The following LYZ variants were observed in gnomAD, a reference collection of about 807,000 sequenced individuals.
The protein encoded by LYZ is lysozyme.
LYZ carries 18 observed loss-of-function variants against 15.8 expected under a neutral mutation model. The observed-to-expected ratio is 1.14, with a 90% CI of 0.79 to 1.69. LYZ has a LOEUF of 1.69. Ranked by LOEUF, LYZ falls within the 40% of genes most tolerant of loss-of-function variation. The pLI, the probability that LYZ is intolerant of heterozygous loss-of-function variation, is 0.00. For synonymous variants in LYZ, 60 were observed against 61.7 expected, an observed-to-expected ratio of 0.97 and a Z score of 0.13; for missense variants, 139 against 182.8, an observed-to-expected ratio of 0.76 and a Z score of 1.38.
rs924550837 is a variant in LYZ at position 69,353,900 on chromosome 12, A to C, written c.*681A>C. 1 of 152,354 alleles carries C rather than the reference A, an allele frequency of 6.6e-6. No individual in the cohort carries two copies. Among genetic ancestry groups the C allele is most frequent in the Non-Finnish European group, 1.5e-5 (1 of 68,182 alleles). 9.4% of individuals were successfully genotyped at this position (152,354 alleles called of 1,614,324 possible). On this transcript the variant is annotated 3_prime_UTR_variant, in exon 4 of 4. Transcript: ENST00000261267. ...GTTATCTTAAATAGATCTTAGGCAA[A>C]ATACCAGCTGATGAAGGCATCTGAT... is the stretch of plus-strand genomic sequence containing the variant.
intron 1 of LYZ, among the ~76,000 whole-genome samples, chr12:69,349,325 T>A (rs1008743490): frequency 6.6e-6 from 1 of 152,208 alleles, no homozygotes; most frequent in Non-Finnish European, 1.5e-5. Flanking sequence ...TTAACAGTGA[T>A]GTTTTTAAAG....
chr12:69,352,645 A>C (rs1874867181), intron 3 of LYZ, among the ~76,000 whole-genome samples: 1 of 152,188 alleles, frequency 6.6e-6, no homozygotes, highest in South Asian at 2.1e-4. Context: ...AGACCGAGGC[A>C]GATGGATCAC....
At chr12:69,352,347 A>G in intron 3 of LYZ, 49 bp downstream of exon 3, 1 of 1,448,256 alleles carries the variant, frequency 6.9e-7, no homozygotes, top group Non-Finnish European at 9.7e-7. Context: ...TACTGTTGAT[A>G]TATACAATGA....
At position 69,353,398 on chromosome 12, in the gene LYZ, A is replaced by C; in HGVS notation, c.*179A>C. On this transcript the variant is annotated 3_prime_UTR_variant, in exon 4 of 4. Coordinates refer to ENST00000261267, the MANE Select transcript of LYZ (RefSeq NM_000239.3). Reference sequence around the variant, plus strand: ...ATGTTCACTAATGTGGTTATTTTACATTAAGCCTACAACATTTTTCAGTTT... The same window carrying C: ...ATGTTCACTAATGTGGTTATTTTACCTTAAGCCTACAACATTTTTCAGTTT... 1.5e-6 allele frequency: 1 copy of C among 662,956 alleles called. No individual in the cohort carries two copies. The highest frequency in any genetic ancestry group is 1.7e-5 in the South Asian group (1 of 59,546). The allele number at this position is 662,956 out of a possible 1,614,324, so 41.1% of individuals were successfully genotyped here.
chr12:69,351,622 G>A (rs1302413651), intron 2 of LYZ, among the ~76,000 whole-genome samples: 5 of 151,684 alleles, frequency 3.3e-5, no homozygotes, highest in African/African-American at 4.8e-5. Flanking sequence ...TTATACACAC[G>A]GCTTTACAAT....
At position 69,353,268 on chromosome 12, in the gene LYZ, G is replaced by A; in HGVS notation, c.*49G>A. ...TCATTTTGTCTCTCTCACATTAAGGGAGTAGGAATTAAGTGAAAGGTCACA... is the reference window on the plus strand; with the variant it reads ...TCATTTTGTCTCTCTCACATTAAGGAAGTAGGAATTAAGTGAAAGGTCACA... On this transcript the variant is annotated 3_prime_UTR_variant, in exon 4 of 4. Coordinates refer to ENST00000261267, the MANE Select transcript of LYZ (RefSeq NM_000239.3). 2.9e-6 allele frequency: 4 copies of A among 1,389,518 alleles called. No homozygotes were observed. Among genetic ancestry groups the A allele is most frequent in the African/African-American group, 1.4e-5 (1 of 70,446 alleles). The allele number at this position is 1,389,518 out of a possible 1,614,324, so 86.1% of individuals were successfully genotyped here. A position where few individuals can be genotyped will look rare whatever the true frequency, so the allele number is the denominator to read the frequency against.
chr12:69,352,366 T>C (rs1413982331), intron 3 of LYZ, 68 bp downstream of exon 3: 2 of 1,284,292 alleles, frequency 1.6e-6, no homozygotes, highest in Admixed American at 3.5e-5. Context: ...GAGAGCAGAC[T>C]TTTAAAGACC....
chr12:69,353,613 C>G lies in LYZ; in HGVS notation c.*394C>G. On this transcript the variant is annotated 3_prime_UTR_variant, in exon 4 of 4. Coordinates refer to ENST00000261267, the MANE Select transcript of LYZ (RefSeq NM_000239.3). ...ACGCCATTCTCCTGCCTCAGCCTCCCGAGTAGCTGGGATTACGGGCGCCCG... is the reference window on the plus strand; with the variant it reads ...ACGCCATTCTCCTGCCTCAGCCTCCGGAGTAGCTGGGATTACGGGCGCCCG... 4.2e-6 allele frequency: 1 copy of G among 239,508 alleles called. No homozygotes were observed. Among genetic ancestry groups the G allele is most frequent in the Non-Finnish European group, 8.2e-6 (1 of 121,600 alleles). 14.8% of individuals were successfully genotyped at this position (239,508 alleles called of 1,614,324 possible). A position where few individuals can be genotyped will look rare whatever the true frequency, so the allele number is the denominator to read the frequency against.
rs760040859 is a variant in LYZ at position 69,352,276 on chromosome 12, G to A, written c.358G>A (p.Asp120Asn). The A allele has an allele frequency of 6.2e-7, 1 of 1,613,784 alleles. No individual in the cohort carries two copies. The highest frequency in any genetic ancestry group is 1.7e-5 in the Admixed American group (1 of 60,024). ...AVACAKRVVR[D>N]PQGIRAWVAW... is the part of the protein sequence containing the mutation. Reference sequence around the variant, plus strand: ...AGCTTGTGCAAAGAGGGTTGTCCGTGATCCACAAGGCATTAGAGCATGGTA... The same window carrying A: ...AGCTTGTGCAAAGAGGGTTGTCCGTAATCCACAAGGCATTAGAGCATGGTA... Residue 120 changes from aspartate to asparagine, a missense_variant, in exon 3 of 4, where the codon GAT becomes AAT. Asp to Asn is a conservative substitution (Grantham distance 23). Coordinates refer to ENST00000261267, the MANE Select transcript of LYZ (RefSeq NM_000239.3).
At chr12:69,350,003 A>G in intron 1 of LYZ, 105 bp from the exon 2 acceptor site, 1 of 928,742 alleles carries the variant, frequency 1.1e-6, no homozygotes, top group Non-Finnish European at 1.7e-6. Flanking sequence ...CTTTATACTT[A>G]TAAAACAAAT....
In LYZ at chr12:69,354,155, T is replaced by A. The variant is rs184755234; in HGVS notation, c.*936T>A. 1.3e-5 allele frequency: 2 copies of A among 152,360 alleles called. No homozygotes were observed. The highest frequency in any genetic ancestry group is 3.9e-4 in the East Asian group (2 of 5,186). 9.4% of individuals were successfully genotyped at this position (152,360 alleles called of 1,614,324 possible). A position where few individuals can be genotyped will look rare whatever the true frequency, so the allele number is the denominator to read the frequency against. ...GCAGATGAGCTTACAAGTATTGAAA[T>A]AATTACTAATTAATCACAAATGTGA... On this transcript the variant is annotated 3_prime_UTR_variant, in exon 4 of 4. Transcript: ENST00000261267.
chr12:69,350,737 C>CTTTTTTTTTTTTTTTTTTTTTTTTT (rs60163961), intron 2 of LYZ, among the ~76,000 whole-genome samples: 2 of 26,014 alleles, frequency 7.7e-5, no homozygotes, highest in African/African-American at 1.0e-4. Flanking sequence ...TCTTCTATGC[C>CTTTTTTTTTTTTTTTTTTTTTTTTT]TTTTTTTTTT....
rs913313741 is a variant in LYZ, at chr12:69,354,218, A to G, written c.*999A>G. ...TGTAAAAAATACAAACATTCTAATT[A>G]AAGGCTTTGCAACACATGCCTTGTC... On this transcript the variant is annotated 3_prime_UTR_variant, in exon 4 of 4. Coordinates refer to ENST00000261267, the MANE Select transcript of LYZ (RefSeq NM_000239.3). The G allele has an allele frequency of 1.3e-5, 2 of 152,264 alleles. No homozygotes were observed. The highest frequency in any genetic ancestry group is 4.8e-5 in the African/African-American group (2 of 41,470). 9.4% of individuals were successfully genotyped at this position (152,264 alleles called of 1,614,324 possible).
intron 2 of LYZ, 83 bp downstream of exon 2, chr12:69,350,355 C>A: frequency 1.4e-6 from 2 of 1,392,942 alleles, no homozygotes; most frequent in Non-Finnish European, 2.0e-6. Flanking sequence ...TTGAAAGGTT[C>A]ATGAGGGACC....
Position 69,353,633 on chromosome 12 carries a change from C to T in LYZ, c.*414C>T, listed in dbSNP as rs559988516. ...CCTCCCGAGTAGCTGGGATTACGGG[C>T]GCCCGCCACCACGCCCGGCTAATTT... On this transcript the variant is annotated 3_prime_UTR_variant, in exon 4 of 4. Transcript: ENST00000261267. The T allele has an allele frequency of 8.2e-5, 18 of 220,102 alleles. No homozygotes were observed. The highest frequency in any genetic ancestry group is 1.6e-4 in the Admixed American group (3 of 18,728). The allele number at this position is 220,102 out of a possible 1,614,324, so 13.6% of individuals were successfully genotyped here. A position where few individuals can be genotyped will look rare whatever the true frequency, so the allele number is the denominator to read the frequency against.
chr12:69,350,128 G>T lies in LYZ; in HGVS notation c.157G>T (p.Glu53Ter). Residue 53 changes from glutamate to a stop codon, truncating the protein, a stop_gained, in exon 2 of 4, where the codon GAG (glutamate) becomes TAG (stop). Transcript: ENST00000261267. LOFTEE classifies it high-confidence loss of function. ...LANWMCLAKWESGYNTRATNY... is the reference protein window; with the variant it reads ...LANWMCLAKW ...TTCAGGGATGTGTTTGGCCAAATGG[G>T]AGAGTGGTTACAACACACGAGCTAC... 6.2e-7 allele frequency: 1 copy of T among 1,614,128 alleles called. No homozygotes were observed.
chr12:69,350,242 G>T lies in LYZ; in HGVS notation c.271G>T (p.Ala91Ser). 1 of 1,614,106 alleles carries T rather than the reference G, an allele frequency of 6.2e-7. No individual in the cohort carries two copies. Among genetic ancestry groups the T allele is most frequent in the Non-Finnish European group, 8.5e-7 (1 of 1,180,000 alleles). The stretch of plus-strand genomic sequence containing the variant: ...GTGTAATGATGGCAAAACCCCAGGA[G>T]CAGTTAATGCCTGTCATTTATCCTG... ...YWCNDGKTPGAVNACHLSCSA... is the reference protein window; with the variant it reads ...YWCNDGKTPGSVNACHLSCSA... The change falls in exon 2 of 4, where the codon GCA becomes TCA. Residue 91 changes from alanine to serine, a missense_variant. Transcript: ENST00000261267.
Position 69,353,494 on chromosome 12 carries a change from G to GTTATTTTTTTT in LYZ, c.*277_*278insATTTTTTTTTT. On this transcript the variant is annotated 3_prime_UTR_variant, in exon 4 of 4. Transcript: ENST00000261267. ...ATCAAATACATCTCCAGTACATTCC[G>GTTATTTTTTTT]TTCTTTTTTTTTTTGAGACAGTCTC... is the stretch of plus-strand genomic sequence containing the variant. 28 of 211,262 alleles carry GTTATTTTTTTT rather than the reference G, an allele frequency of 1.3e-4. No individual in the cohort carries two copies. The highest frequency in any genetic ancestry group is 2.5e-4 in the East Asian group (2 of 8,092). The allele number at this position is 211,262 out of a possible 1,614,324, so 13.1% of individuals were successfully genotyped here.
At chr12:69,351,734 TATC>T (rs141295355) in intron 2 of LYZ, among the ~76,000 whole-genome samples, 18,929 of 152,156 alleles carry the variant, frequency 0.12, 1,479 homozygotes, top group Non-Finnish European at 0.18. Context: ...TACAAATCTG[TATC>T]ATCATTTTAA....
Sources: allele counts gnomAD v4.1 joint callset (sites outside exome capture counted in the v4.1 genomes callset), GRCh38; gene constraint gnomAD v4.1.1; transcripts MANE v1.5; gene names NCBI Gene and HGNC (gene_info 2026-07-23, HGNC 2026-07-21).